Variants in KIAA1671 observed in about 807,000 individuals in gnomAD.
The protein encoded by KIAA1671 is uncharacterized protein KIAA1671.
In KIAA1671, 52 loss-of-function variants were observed where a neutral mutation model predicts 131.2. The observed-to-expected ratio is 0.40, with a 90% confidence interval of 0.32 to 0.50. The LOEUF (loss-of-function observed/expected upper bound fraction) is 0.50. Among genes scored for constraint, KIAA1671 ranks in the 20% least tolerant of loss-of-function variants. The pLI is 0.73. For missense variants in KIAA1671, 2,360 were observed against 2,364.2 expected, an observed-to-expected ratio of 1.00 and a Z score of 0.04; for synonymous variants, 1,003 against 961.6, an observed-to-expected ratio of 1.04 and a Z score of -0.80.
intron 6 of KIAA1671, among the ~76,000 whole-genome samples, chr22:25,119,762 T>C (rs553150197): frequency 2.6e-5 from 4 of 152,140 alleles, no homozygotes; most frequent in South Asian, 4.2e-4. Flanking sequence ...TGGAGGGACA[T>C]TGGGACAGCA....
intron 6 of KIAA1671, among the ~76,000 whole-genome samples, chr22:25,146,127 G>A (rs1447731235): frequency 2.6e-5 from 4 of 152,094 alleles, no homozygotes; most frequent in Admixed American, 2.0e-4. Context: ...GCCCTTTGAG[G>A]GCAGAGTTTA....
intron 3 of KIAA1671, among the ~76,000 whole-genome samples, 194 bp from the exon 4 acceptor site, chr22:25,032,415 C>G (rs959935632): frequency 6.6e-6 from 1 of 152,206 alleles, no homozygotes; most frequent in Non-Finnish European, 1.5e-5. Context: ...GGTGTCTTCC[C>G]CCAGCTGGGG....
In KIAA1671 at chr22:25,022,109, A is replaced by G. The variant is rs773708327; in HGVS notation, c.-207-3524A>G. Among the ~76,000 whole-genome samples, 932 of 152,126 alleles carry G rather than the reference A, an allele frequency of 6.1e-3. 10 individuals carry two copies. The highest frequency in any genetic ancestry group is 0.021 in the African/African-American group (888 of 41,492). ...CTCTTTGCATGGCTCACTGCACAGG[A>G]TGGATTTGCAGATTTGGGGACTAAG... On this transcript the variant is annotated intron_variant, in intron 1 of 12. Coordinates refer to ENST00000358431, the MANE Select transcript of KIAA1671 (RefSeq NM_001145206.2).
rs574005724 is a variant in KIAA1671 at position 25,029,948 on chromosome 22, T to C, written c.1541+408T>C. On this transcript the variant is annotated intron_variant, in intron 3 of 12. Coordinates refer to ENST00000358431, the MANE Select transcript of KIAA1671 (RefSeq NM_001145206.2). ...AAGTCAGAGAGAGAACGCTTAAGATTGGGCCTAAGCCTTTATGAGTGGCCC... is the reference window on the plus strand; with the variant it reads ...AAGTCAGAGAGAGAACGCTTAAGATCGGGCCTAAGCCTTTATGAGTGGCCC... Among the ~76,000 whole-genome samples the C allele has an allele frequency of 2.6e-4, 40 of 152,342 alleles. No homozygotes were observed. The South Asian group carries it at 7.9e-3, about 30-fold the overall frequency.
At chr22:25,033,948 A>G (rs1926444070) in intron 4 of KIAA1671, among the ~76,000 whole-genome samples, 6 of 151,800 alleles carry the variant, frequency 4.0e-5, no homozygotes. Context: ...AACACATTCA[A>G]CTTGGTGAGT....
intron 6 of KIAA1671, among the ~76,000 whole-genome samples, chr22:25,158,289 CTCCA>C (rs1026615805): frequency 3.3e-5 from 5 of 152,192 alleles, no homozygotes; most frequent in African/African-American, 7.2e-5. Context: ...GGTTCATTCA[CTCCA>C]TCCATCCATC....
chr22:25,042,768 C>T (rs896009993), intron 5 of KIAA1671, among the ~76,000 whole-genome samples: 2 of 152,012 alleles, frequency 1.3e-5, no homozygotes, highest in African/African-American at 4.8e-5. Context: ...CCACTGCGCC[C>T]GGCCTGTAAG....
At chr22:25,135,407 C>T (rs1471049306) in intron 6 of KIAA1671, among the ~76,000 whole-genome samples, 8 of 152,244 alleles carry the variant, frequency 5.3e-5, no homozygotes, top group South Asian at 2.1e-4. Flanking sequence ...AGGATGGTCT[C>T]GATCTCCTGA....
intron 1 of KIAA1671, among the ~76,000 whole-genome samples, chr22:25,008,194 T>G (rs1924850281): frequency 2.4e-5 from 1 of 41,476 alleles, no homozygotes; most frequent in Non-Finnish European, 4.3e-5. Flanking sequence ...TGAGACTCCG[T>G]CGCAAAAAAA....
At chr22:25,043,225 A>AAC (rs1219267882) in intron 5 of KIAA1671, among the ~76,000 whole-genome samples, 6 of 152,132 alleles carry the variant, frequency 3.9e-5, no homozygotes, top group African/African-American at 7.2e-5. Context: ...CTTTGTTTTT[A>AAC]ACACACACAC....
In KIAA1671 at chr22:24,957,104, A is replaced by G. The variant is rs534185687; in HGVS notation, c.-208+4332A>G. On this transcript the variant is annotated intron_variant, in intron 1 of 12. Coordinates refer to ENST00000358431, the MANE Select transcript of KIAA1671 (RefSeq NM_001145206.2). Reference sequence around the variant, plus strand: ...CTAGGCCCCGTGTCTATGCTCTGTAAGGGGTGGTATGATTATTATCACTAT... The same window carrying G: ...CTAGGCCCCGTGTCTATGCTCTGTAGGGGGTGGTATGATTATTATCACTAT... Among the ~76,000 whole-genome samples the G allele has an allele frequency of 2.0e-5, 3 of 152,278 alleles. No individual in the cohort carries two copies. The East Asian group carries it at 5.8e-4, about 29-fold the overall frequency.
At chr22:25,131,978 C>T (rs1026452880) in intron 6 of KIAA1671, among the ~76,000 whole-genome samples, 1 of 152,144 alleles carries the variant, frequency 6.6e-6, no homozygotes, top group East Asian at 1.9e-4. Flanking sequence ...ACCTGTTAGC[C>T]ATTGTTGTTG....
At chr22:25,048,009 T>C (rs1927338904) in intron 5 of KIAA1671, among the ~76,000 whole-genome samples, 1 of 152,214 alleles carries the variant, frequency 6.6e-6, no homozygotes, top group Non-Finnish European at 1.5e-5. Context: ...TATGTCAGAT[T>C]TGCAGCATGT....
intron 1 of KIAA1671, among the ~76,000 whole-genome samples, chr22:24,990,998 G>A (rs5760776): frequency 0.5 from 75,580 of 151,748 alleles, 20,531 homozygotes; most frequent in African/African-American, 0.72. Context: ...GGCCTTCTCT[G>A]AGGAAGGGAC....
At position 25,167,565 on chromosome 22, in the gene KIAA1671, GT is replaced by G. The variant is rs555363848; in HGVS notation, c.4531-3254del. ...CCGGGCAGGACTATGAGAGAATACT[GT>G]CTTTGGGTGATAAGTTCTTTTAAAA... On this transcript the variant is annotated intron_variant, in intron 6 of 12. Transcript: ENST00000358431. Among the ~76,000 whole-genome samples the G allele has an allele frequency of 3.9e-5, 6 of 152,314 alleles. No homozygotes were observed. The South Asian group carries it at 1.2e-3, about 32-fold the overall frequency.
intron 1 of KIAA1671, chr22:25,013,668 G>C (rs1925160238): frequency 1.3e-5 from 2 of 152,228 alleles, no homozygotes; most frequent in Non-Finnish European, 2.9e-5. Flanking sequence ...TGAGCTTTGG[G>C]GTTGAGTTTC....
intron 6 of KIAA1671, among the ~76,000 whole-genome samples, chr22:25,124,342 A>G (rs1025207165): frequency 1.3e-5 from 2 of 152,228 alleles, no homozygotes; most frequent in South Asian, 2.1e-4. Context: ...CTCCCTTGGA[A>G]GGAGGGTCTG....
chr22:25,028,982 A>G lies in KIAA1671; in HGVS notation c.983A>G (p.Asp328Gly), dbSNP rs957022850. Residue 328 changes from aspartate to glycine, a missense_variant, in exon 3 of 13, where the codon GAC (aspartate) becomes GGC (glycine). Around this residue, in one of 3 missense-constraint regions of KIAA1671, gnomAD observed 1,185 missense variants for 1,126.2 expected, o/e 1.05. Transcript: ENST00000358431. ...RPRAASKLDR[D>G]CLVKAEAPLH... ...AGAGCAGCGTCCAAGCTGGACAGGG[A>G]CTGTTTGGTCAAGGCGGAGGCTCCT... 1.3e-4 allele frequency: 200 copies of G among 1,533,228 alleles called. 1 individual carries two copies. The South Asian group carries it at 2.2e-3, about 17-fold the overall frequency. 95.0% of individuals were successfully genotyped at this position (1,533,228 alleles called of 1,614,324 possible).
Position 25,039,274 on chromosome 22 carries a change from C to A in KIAA1671, c.2144C>A (p.Thr715Asn). The A allele has an allele frequency of 6.4e-7, 1 of 1,552,298 alleles. No individual in the cohort carries two copies. The highest frequency in any genetic ancestry group is 1.4e-5 in the African/African-American group (1 of 73,186). Residue 715 changes from threonine (T) to asparagine (N), a missense_variant, in exon 5 of 13, where the codon ACC (threonine) becomes AAC (asparagine). Physicochemically the swap from Thr to Asn is moderately conservative, Grantham distance 65 (BLOSUM62 0). Coordinates refer to ENST00000358431, the MANE Select transcript of KIAA1671 (RefSeq NM_001145206.2). ...TTGTCTGAAAACCACAATAATAACA[C>A]CTTCCTCAAACACTTGGAAAATCCT... ...YPLSENHNNN[T>N]FLKHLENPPT...
Sources: gnomAD v4.1 joint callset for allele counts (sites outside exome capture counted in the v4.1 genomes callset) on GRCh38, gnomAD v4.1.1 for gene constraint, gnomAD v4.1.1 regional missense constraint, MANE v1.5 for transcripts, NCBI Gene and HGNC (gene_info 2026-07-23, HGNC 2026-07-21) for gene names.